The following TXK variants were observed in gnomAD, a reference collection of about 807,000 sequenced individuals.
TXK encodes the protein tyrosine-protein kinase TXK.
Under a neutral mutation model 81.0 loss-of-function variants are expected in TXK, and 60 were observed. That is an observed-to-expected ratio of 0.74 (90% CI 0.60 to 0.92). The LOEUF is 0.92. Among genes scored for constraint, TXK ranks in the 40% least tolerant of loss-of-function variants. The pLI is 0.00. For missense variants in TXK, 581 were observed against 638.3 expected (o/e 0.91, Z 0.97); for synonymous variants, 203 against 210.7 (o/e 0.96, Z 0.32).
rs999389469 is a variant in TXK at position 48,067,038 on chromosome 4, C to T, written c.*599G>A. ...TTTAAAACTCGAATGCAAAAAACTG[C>T]TTTCAATATAATCAGATATGTGCAA... On this transcript the variant is annotated 3_prime_UTR_variant, in exon 15 of 15. Transcript: ENST00000264316. 1 of 152,198 alleles carries T rather than the reference C, an allele frequency of 6.6e-6. No homozygotes were observed. The highest frequency in any genetic ancestry group is 1.5e-5 in the Non-Finnish European group (1 of 68,056). 9.4% of individuals were successfully genotyped at this position (152,198 alleles called of 1,614,324 possible).
At chr4:48,089,633 C>A in intron 9 of TXK, 117 bp downstream of exon 9, 1 of 769,864 alleles carries the variant, frequency 1.3e-6, no homozygotes. Context: ...CTAAGGTGAT[C>A]CACCCACCTT....
At chr4:48,074,449 A>G (rs1214014079) in intron 12 of TXK, among the ~76,000 whole-genome samples, 1 of 152,246 alleles carries the variant, frequency 6.6e-6, no homozygotes, top group Non-Finnish European at 1.5e-5. Flanking sequence ...ATGGAAATGA[A>G]TGATTCAAAG....
At chr4:48,105,110 G>A (rs982382743) in intron 5 of TXK, among the ~76,000 whole-genome samples, 155 bp from the exon 6 acceptor site, 2 of 151,734 alleles carry the variant, frequency 1.3e-5, no homozygotes, top group Non-Finnish European at 2.9e-5. Context: ...ATACTATTGT[G>A]GGTTAATTAA....
intron 1 of TXK, among the ~76,000 whole-genome samples, chr4:48,123,387 A>C (rs1044010612): frequency 6.6e-6 from 1 of 152,142 alleles, no homozygotes; most frequent in African/African-American, 2.4e-5. Flanking sequence ...TAGTAAGAAA[A>C]CCATTCTGTT....
In TXK at chr4:48,079,976, A is replaced by T; in HGVS notation, c.1109T>A (p.Val370Glu). The change falls in exon 11 of 15, where the codon GTA (valine) becomes GAA (glutamate). Residue 370 changes from valine to glutamate, a missense_variant. By Grantham distance (121) the Val-to-Glu change is moderately radical. Coordinates refer to ENST00000264316, the MANE Select transcript of TXK (RefSeq NM_003328.3). Reference sequence around the variant, plus strand: ...CATTCCTTCACATATATCCTGGCATACACTCAGTAGCATTTCCTTCCTAAG... The same window carrying T: ...CATTCCTTCACATATATCCTGGCATTCACTCAGTAGCATTTCCTTCCTAAG... ...GKLRKEMLLS[V>E]CQDICEGMEY... 2 of 1,613,990 alleles carry T rather than the reference A, an allele frequency of 1.2e-6. No homozygotes were observed. Among genetic ancestry groups the T allele is most frequent in the Non-Finnish European group, 1.7e-6 (2 of 1,179,968 alleles).
chr4:48,076,586 A>G, intron 11 of TXK, 120 bp from the exon 12 acceptor site: 1 of 727,572 alleles, frequency 1.4e-6, no homozygotes, highest in Non-Finnish European at 2.3e-6. Context: ...CCGCCAAGTC[A>G]TTTTTATGGT....
At chr4:48,079,229 C>T (rs1176602540) in intron 11 of TXK, among the ~76,000 whole-genome samples, 2 of 152,180 alleles carry the variant, frequency 1.3e-5, no homozygotes, top group Non-Finnish European at 2.9e-5. Context: ...AACAAACCTC[C>T]CTCTTGCCTG....
intron 1 of TXK, among the ~76,000 whole-genome samples, chr4:48,129,382 G>A (rs554345841): frequency 6.6e-6 from 1 of 152,248 alleles, no homozygotes; most frequent in Non-Finnish European, 1.5e-5. Flanking sequence ...TTAAAGAAGG[G>A]AGGATAACTA....
chr4:48,130,626 A>G (rs1719226918), intron 1 of TXK, among the ~76,000 whole-genome samples: 1 of 152,178 alleles, frequency 6.6e-6, no homozygotes, highest in African/African-American at 2.4e-5. Context: ...ATTCATACTC[A>G]AGGAGGAGGA....
At chr4:48,080,704 A>ACACACACACACAC (rs1577652434) in intron 10 of TXK, among the ~76,000 whole-genome samples, 2 of 150,234 alleles carry the variant, frequency 1.3e-5, no homozygotes, top group African/African-American at 2.5e-5. Context: ...ACACACACAC[A>ACACACACACACAC]AAGACTTGAA....
chr4:48,096,550 T>G (rs1289261049), intron 6 of TXK, among the ~76,000 whole-genome samples: 1 of 152,214 alleles, frequency 6.6e-6, no homozygotes, highest in Non-Finnish European at 1.5e-5. Context: ...AGATGGAGTC[T>G]CGCTTCGTCA....
At chr4:48,114,461 G>T (rs1423947740) in intron 1 of TXK, 59 bp from the exon 2 acceptor site, 1 of 1,525,354 alleles carries the variant, frequency 6.6e-7, no homozygotes, top group Admixed American at 1.7e-5. Context: ...TATTGAGGGA[G>T]TCTCTAAGGG....
intron 10 of TXK, among the ~76,000 whole-genome samples, chr4:48,083,389 T>A (rs1717385401): frequency 6.6e-6 from 1 of 152,232 alleles, no homozygotes; most frequent in Non-Finnish European, 1.5e-5. Context: ...ATGTACACCT[T>A]ACATGGATGG....
At chr4:48,069,700 G>A (rs1194383365) in intron 14 of TXK, among the ~76,000 whole-genome samples, 1 of 152,146 alleles carries the variant, frequency 6.6e-6, no homozygotes, top group Non-Finnish European at 1.5e-5. Context: ...TGCAATTTGA[G>A]ACAAATGTTG....
At chr4:48,132,933 A>C (rs570419788) in intron 1 of TXK, among the ~76,000 whole-genome samples, 17 of 151,620 alleles carry the variant, frequency 1.1e-4, no homozygotes, top group Admixed American at 2.0e-4. Context: ...GTGACAGAGC[A>C]AGACTCTGTC....
intron 8 of TXK, among the ~76,000 whole-genome samples, chr4:48,092,426 G>C (rs1717812635): frequency 6.6e-6 from 1 of 152,136 alleles, no homozygotes; most frequent in African/African-American, 2.4e-5. Flanking sequence ...GAACACATGA[G>C]AACTAGAAAG....
intron 5 of TXK, among the ~76,000 whole-genome samples, chr4:48,109,050 T>C (rs1718548089): frequency 6.6e-6 from 1 of 152,202 alleles, no homozygotes; most frequent in Non-Finnish European, 1.5e-5. Context: ...GATTTTCATA[T>C]AATATCTGTA....
rs990893509 is a variant in TXK at position 48,071,765 on chromosome 4, TTG to T, written c.1358-93_1358-92del. On this transcript the variant is annotated intron_variant, in intron 13 of 14. Transcript: ENST00000264316. ...AATTTCAAACTACAAGGCATTATTT[TTG>T]TGCTCCAGGCTTTGGGCTATAACCA... The T allele has an allele frequency of 1.0e-4, 146 of 1,458,024 alleles. No homozygotes were observed. The African/African-American group carries it at 1.8e-3, about 18-fold the overall frequency. 90.3% of individuals were successfully genotyped at this position (1,458,024 alleles called of 1,614,324 possible).
intron 6 of TXK, among the ~76,000 whole-genome samples, chr4:48,096,728 C>T (rs937147409): frequency 2.0e-5 from 3 of 152,082 alleles, no homozygotes; most frequent in Non-Finnish European, 4.4e-5. Context: ...AAGGTTTCAC[C>T]GTGTTGGCCA....
Sources: allele counts gnomAD v4.1 joint callset (sites outside exome capture counted in the v4.1 genomes callset), GRCh38; gene constraint gnomAD v4.1.1; transcripts MANE v1.5; gene names NCBI Gene and HGNC (gene_info 2026-07-23, HGNC 2026-07-21).